The following PTPRD variants were observed in gnomAD, a reference collection of about 807,000 sequenced individuals.
PTPRD encodes the protein receptor-type tyrosine-protein phosphatase delta.
Under a neutral mutation model 214.5 loss-of-function variants are expected in PTPRD, and 34 were observed. The ratio of observed to expected loss-of-function variants is 0.16; its 90% CI spans 0.12 to 0.21. The LOEUF (loss-of-function observed/expected upper bound fraction) is 0.21. Among genes scored for constraint, PTPRD ranks in the 10% least tolerant of loss-of-function variants. The pLI is 1.00. For synonymous variants in PTPRD, 1,128 were observed against 845.7 expected (o/e 1.33, Z -5.79); for missense variants, 2,545 against 2,398.7 (o/e 1.06, Z -1.27).
intron 5 of PTPRD, among the ~76,000 whole-genome samples, chr9:9,791,318 A>T (rs1478132380): frequency 1.3e-5 from 2 of 152,140 alleles, no homozygotes; most frequent in East Asian, 1.9e-4. Flanking sequence ...TAAGAAATTC[A>T]TAAGATCATA....
chr9:9,340,659 T>C (rs566347459), intron 9 of PTPRD, among the ~76,000 whole-genome samples: 2 of 152,328 alleles, frequency 1.3e-5, no homozygotes, highest in South Asian at 4.1e-4. Context: ...ATGAATTGAA[T>C]AGAGTTGGCC....
At chr9:8,370,454 G>A (rs143150161) in intron 39 of PTPRD, among the ~76,000 whole-genome samples, 1 of 152,172 alleles carries the variant, frequency 6.6e-6, no homozygotes, top group East Asian at 1.9e-4. Context: ...TCCCTGTGCG[G>A]AATGCTCTTT....
At chr9:10,531,455 G>C (rs1018265381) in intron 2 of PTPRD, among the ~76,000 whole-genome samples, 1 of 152,138 alleles carries the variant, frequency 6.6e-6, no homozygotes, top group East Asian at 1.9e-4. Context: ...CATTAAAATA[G>C]ATGGGAGCCT....
chr9:8,952,435 A>T (rs995241380), intron 11 of PTPRD, among the ~76,000 whole-genome samples: 1 of 151,928 alleles, frequency 6.6e-6, no homozygotes, highest in Non-Finnish European at 1.5e-5. Flanking sequence ...TTTTACCTTT[A>T]CCCTTAAACC....
intron 5 of PTPRD, among the ~76,000 whole-genome samples, chr9:9,858,980 G>T (rs191766999): frequency 6.6e-6 from 1 of 152,058 alleles, no homozygotes; most frequent in Non-Finnish European, 1.5e-5. Context: ...ATCTCATCTC[G>T]AATAGGAATC....
Position 8,485,979 on chromosome 9 carries a change from C to G in PTPRD, c.2838G>C (p.Glu946Asp), listed in dbSNP as rs1448755385. Residue 946 changes from glutamate (E) to aspartate (D), a missense_variant, in exon 28 of 46, where the codon GAG becomes GAC. Coordinates refer to ENST00000381196, the MANE Select transcript of PTPRD (RefSeq NM_002839.4). ...TATACTTGGTGATAATGCCATTTCT[C>G]TCTGCCAGGACAGGTGGTTGCCAAG... ...QLSWQPPVLA[E>D]RNGIITKYTL... The G allele has an allele frequency of 3.1e-6, 5 of 1,614,152 alleles. No homozygotes were observed. The East Asian group carries it at 1.1e-4, about 36-fold the overall frequency.
chr9:10,432,243 A>G (rs2098687092), intron 2 of PTPRD, among the ~76,000 whole-genome samples: 2 of 135,702 alleles, frequency 1.5e-5, no homozygotes, highest in South Asian at 4.7e-4. Flanking sequence ...CAATGAGATC[A>G]CATGGACACA....
At chr9:9,389,668 A>G in intron 9 of PTPRD, among the ~76,000 whole-genome samples, 1 of 152,180 alleles carries the variant, frequency 6.6e-6, no homozygotes, top group East Asian at 1.9e-4. Flanking sequence ...TGTAAAGAAA[A>G]CCATTTGATA....
rs2135961782 is a variant in PTPRD, at chr9:8,486,197, A to G, written c.2620T>C (p.Ser874Pro). The part of the protein sequence containing the change: ...DMEPLTTLEF[S>P]EKEDHFTATD... ...GCTGTAAAGTGATCTTCTTTTTCAG[A>G]GAACTCAAGAGTAGTAAGTGGCTCC... Residue 874 changes from serine (S) to proline (P), a missense_variant, in exon 28 of 46, where the codon TCT (serine) becomes CCT (proline). By Grantham distance (74) the Ser-to-Pro change is moderately conservative (BLOSUM62 -1). Transcript: ENST00000381196. The G allele has an allele frequency of 6.2e-7, 1 of 1,614,202 alleles. No homozygotes were observed. The highest frequency in any genetic ancestry group is 8.5e-7 in the Non-Finnish European group (1 of 1,180,016).
chr9:9,259,642 T>C (rs2099979225), intron 9 of PTPRD, among the ~76,000 whole-genome samples: 1 of 151,938 alleles, frequency 6.6e-6, no homozygotes, highest in Non-Finnish European at 1.5e-5. Context: ...ATCACCTTCA[T>C]TCACCTTTCA....
chr9:9,059,109 C>T (rs768979089), intron 10 of PTPRD, among the ~76,000 whole-genome samples: 48 of 152,110 alleles, frequency 3.2e-4, no homozygotes, highest in Non-Finnish European at 6.3e-4. Context: ...AGTCATACCA[C>T]ATGAAAAAAA....
At chr9:10,491,066 A>C (rs748840576) in intron 2 of PTPRD, among the ~76,000 whole-genome samples, 3 of 152,208 alleles carry the variant, frequency 2.0e-5, no homozygotes, top group Non-Finnish European at 2.9e-5. Flanking sequence ...AGCTTCCTGA[A>C]TGCAAAGAGT....
rs1001969952 is a variant in PTPRD at position 9,511,891 on chromosome 9, C to T, written c.-237+62841G>A. On this transcript the variant is annotated intron_variant, in intron 8 of 45. Transcript: ENST00000381196. ...CTTTAGGTTTTCCCCTAAGGATGAG[C>T]AAATTTTTCATAGAAGACCTAAAAC... Among the ~76,000 whole-genome samples, 4 of 151,768 alleles carry T rather than the reference C, an allele frequency of 2.6e-5. No homozygotes were observed. In the East Asian group the frequency reaches 7.8e-4, roughly 29 times the overall value.
chr9:8,651,883 A>C (rs920915200), intron 12 of PTPRD, among the ~76,000 whole-genome samples: 2 of 152,182 alleles, frequency 1.3e-5, no homozygotes, highest in South Asian at 2.1e-4. Context: ...CACTACACGA[A>C]TATTCTTGAA....
chr9:9,766,699 A>C (rs1304268633), intron 6 of PTPRD, 111 bp downstream of exon 6: 1 of 152,256 alleles, frequency 6.6e-6, no homozygotes, highest in African/African-American at 2.4e-5. Context: ...CAAAAAGTGC[A>C]TGTCCCATGA....
Position 9,581,572 on chromosome 9 carries a change from C to T in PTPRD, c.-286-6791G>A, listed in dbSNP as rs1018073242. On this transcript the variant is annotated intron_variant, in intron 7 of 45. Transcript: ENST00000381196. ...TAAAACCTTGCACATTATAAACTCT[C>T]GATAAATAATCAATGACCATCTAAG... is the stretch of plus-strand genomic sequence containing the variant. 1.8e-4 allele frequency among the ~76,000 whole-genome samples: 28 copies of T among 151,988 alleles called. 1 individual carries two copies. The highest frequency in any genetic ancestry group is 8.3e-4 in the South Asian group (4 of 4,824).
chr9:8,322,708 T>C (rs1192302278), intron 44 of PTPRD, among the ~76,000 whole-genome samples: 3 of 152,208 alleles, frequency 2.0e-5, no homozygotes, highest in African/African-American at 7.2e-5. Context: ...AATATCTAGC[T>C]AAGATCATTG....
chr9:8,871,458 A>C (rs2098297330), intron 11 of PTPRD, among the ~76,000 whole-genome samples: 1 of 152,180 alleles, frequency 6.6e-6, no homozygotes, highest in Admixed American at 6.6e-5. Context: ...AATATTTAGG[A>C]AGGAACAGAG....
At chr9:8,555,063 A>T (rs1322243472) in intron 14 of PTPRD, among the ~76,000 whole-genome samples, 2 of 152,168 alleles carry the variant, frequency 1.3e-5, no homozygotes, top group Admixed American at 6.5e-5. Context: ...AGAGAATAAC[A>T]TTTCTTCTAT....
Sources: gnomAD v4.1 joint callset for allele counts (sites outside exome capture counted in the v4.1 genomes callset) on GRCh38, gnomAD v4.1.1 for gene constraint, MANE v1.5 for transcripts, NCBI Gene and HGNC (gene_info 2026-07-23, HGNC 2026-07-21) for gene names.